The following CIMIP5 variants were observed in gnomAD, a reference collection of about 807,000 sequenced individuals.
CIMIP5 encodes the protein uncharacterized protein C2orf50.
the CIMIP5 span, among the ~76,000 whole-genome samples, chr2:11,154,316 C>T: frequency 6.6e-6 from 1 of 151,846 alleles, no homozygotes; most frequent in Non-Finnish European, 1.5e-5. Flanking sequence ...ATCCTTTTCT[C>T]ATTTAGACTT....
At chr2:11,143,983 A>G in the CIMIP5 span, 1 of 1,607,436 alleles carries the variant, frequency 6.2e-7, no homozygotes. Context: ...CACAGTTCCC[A>G]GTTCCACGAA....
chr2:11,154,045 C>T, the CIMIP5 span, among the ~76,000 whole-genome samples: 2 of 152,050 alleles, frequency 1.3e-5, no homozygotes, highest in Admixed American at 1.3e-4. Context: ...GGCGCGATCT[C>T]GACTCACTGC....
the CIMIP5 span, chr2:11,144,201 CA>C: frequency 4.2e-6 from 5 of 1,194,526 alleles, no homozygotes; most frequent in Non-Finnish European, 3.4e-6. Context: ...GCTCCCCACA[CA>C]AGGCAGCTTG....
At chr2:11,139,101 G>T in the CIMIP5 span, among the ~76,000 whole-genome samples, 1 of 151,676 alleles carries the variant, frequency 6.6e-6, no homozygotes, top group Non-Finnish European at 1.5e-5. Context: ...TATTTTTGGT[G>T]GAGACAGGGT....
the CIMIP5 span, among the ~76,000 whole-genome samples, chr2:11,150,346 T>A: frequency 1.3e-5 from 2 of 152,146 alleles, no homozygotes; most frequent in South Asian, 4.1e-4. Flanking sequence ...TTTTCTTTTT[T>A]TTTTGAGATG....
At chr2:11,146,100 A>G in the CIMIP5 span, 1 of 152,204 alleles carries the variant, frequency 6.6e-6, no homozygotes, top group African/African-American at 2.4e-5. Flanking sequence ...AAAAGAGAGA[A>G]AAATGGGGCA....
the CIMIP5 span, chr2:11,144,762 C>G: frequency 6.6e-6 from 1 of 152,160 alleles, no homozygotes; most frequent in Admixed American, 6.6e-5. Flanking sequence ...AAATCAGTCT[C>G]TATCGCTTGC....
the CIMIP5 span, among the ~76,000 whole-genome samples, chr2:11,142,415 T>G: frequency 2.0e-5 from 3 of 152,166 alleles, no homozygotes; most frequent in Non-Finnish European, 4.4e-5. Context: ...GCTGGACTTG[T>G]TGCTGTCTAT....
chr2:11,148,047 C>A, the CIMIP5 span, among the ~76,000 whole-genome samples: 1 of 151,846 alleles, frequency 6.6e-6, no homozygotes, highest in Non-Finnish European at 1.5e-5. Context: ...GGCCAGGAGA[C>A]AGCAGGGCTT....
the CIMIP5 span, among the ~76,000 whole-genome samples, chr2:11,142,455 T>C: frequency 6.6e-6 from 1 of 152,134 alleles, no homozygotes; most frequent in Non-Finnish European, 1.5e-5. Flanking sequence ...TCATGGGACC[T>C]GATATCCCGA....
chr2:11,133,217 G>A, the CIMIP5 span: 2 of 1,276,930 alleles, frequency 1.6e-6, no homozygotes, highest in Non-Finnish European at 2.1e-6. Context: ...CCCTGCCCAG[G>A]CTCTCCCGGG....
At chr2:11,145,605 T>A in the CIMIP5 span, 3 of 152,236 alleles carry the variant, frequency 2.0e-5, no homozygotes, top group African/African-American at 7.2e-5. Flanking sequence ...TTGGTTTGGG[T>A]GGAGCATGTG....
the CIMIP5 span, chr2:11,144,022 C>T: frequency 6.2e-7 from 1 of 1,607,758 alleles, no homozygotes; most frequent in Non-Finnish European, 8.5e-7. Context: ...GCTGGACACA[C>T]CCCTGGGACA....
At chr2:11,143,991 G>A in the CIMIP5 span, 239 of 1,607,008 alleles carry the variant, frequency 1.5e-4, 5 homozygotes, top group South Asian at 2.0e-3. Context: ...CCAGTTCCAC[G>A]AACCAGGTTG....
chr2:11,148,118 A>T, the CIMIP5 span, among the ~76,000 whole-genome samples: 3 of 143,092 alleles, frequency 2.1e-5, no homozygotes, highest in South Asian at 2.2e-4. Flanking sequence ...CTTGCTTCAC[A>T]TTTTTTTTTT....
At chr2:11,144,645 C>T in the CIMIP5 span, 1 of 150,020 alleles carries the variant, frequency 6.7e-6, no homozygotes, top group South Asian at 2.1e-4. Context: ...TTAGGAGTAT[C>T]TGGGGAAGAA....
At chr2:11,142,713 ATTTTTTTTTTT>A in the CIMIP5 span, among the ~76,000 whole-genome samples, 1 of 104,144 alleles carries the variant, frequency 9.6e-6, no homozygotes, top group African/African-American at 3.8e-5. Context: ...CACTTGTCAG[ATTTTTTTTTTT>A]TTTTTTTTTT....
At chr2:11,143,924 AC>A in the CIMIP5 span, 3 of 1,583,654 alleles carry the variant, frequency 1.9e-6, no homozygotes, top group Non-Finnish European at 2.6e-6. Context: ...CCTCAGGGCA[AC>A]AAGAAGGAGC....
chr2:11,139,820 C>T, the CIMIP5 span, among the ~76,000 whole-genome samples: 5 of 152,232 alleles, frequency 3.3e-5, no homozygotes, highest in African/African-American at 1.2e-4. Context: ...GGCACAGTGG[C>T]TCATGCCTGT....
Sources: gnomAD v4.1 joint callset for allele counts (sites outside exome capture counted in the v4.1 genomes callset) on GRCh38, gnomAD v4.1.1 for gene constraint, MANE v1.5 for transcripts, NCBI Gene and HGNC (gene_info 2026-07-23, HGNC 2026-07-21) for gene names.